Variants in MYO16 observed in about 807,000 individuals in gnomAD.
MYO16 encodes the protein unconventional myosin-XVI.
MYO16 carries 94 observed loss-of-function variants against 205.3 expected under a neutral mutation model. The ratio of observed to expected loss-of-function variants is 0.46; its 90% confidence interval spans 0.39 to 0.54. MYO16 has a LOEUF of 0.54. Among genes scored for constraint, MYO16 ranks in the 20% least tolerant of loss-of-function variants. The pLI, the probability that MYO16 is intolerant of heterozygous loss-of-function variation, is 0.00. For missense variants in MYO16, 2,315 were observed against 2,387.5 expected, an observed-to-expected ratio of 0.97 and a Z score of 0.63; for synonymous variants, 988 against 954.0, an observed-to-expected ratio of 1.04 and a Z score of -0.66.
At chr13:108,716,202 A>T (rs1222392514) in intron 3 of MYO16, among the ~76,000 whole-genome samples, 1 of 152,224 alleles carries the variant, frequency 6.6e-6, no homozygotes. Flanking sequence ...AGCTCTAAGG[A>T]TATAAGGGTC....
rs770051701 is a variant in MYO16 at position 109,140,569 on chromosome 13, G to C, written c.4357G>C (p.Val1453Leu). The C allele has an allele frequency of 1.2e-5, 19 of 1,536,098 alleles. No individual in the cohort carries two copies. In the South Asian group the frequency reaches 2.3e-4, roughly 18 times the overall value. ...RPDSPDPGES[V>L]YEEMKCCLPD... Reference sequence around the variant, plus strand: ...CGATAGCCCGGACCCCGGGGAGTCCGTGTACGAGGAGATGAAGTGTTGCCT... The same window carrying C: ...CGATAGCCCGGACCCCGGGGAGTCCCTGTACGAGGAGATGAAGTGTTGCCT... The change falls in exon 32 of 35, where the codon GTG becomes CTG. Residue 1453 changes from valine to leucine, a missense_variant. Around this residue, in one of 3 missense-constraint regions of MYO16, gnomAD observed 1,097 missense variants for 1,092.0 expected, o/e 1.00. Transcript: ENST00000457511. The surrounding 1 kb of genome is among the most constrained non-coding windows in gnomAD (Gnocchi z 8.0).
chr13:108,901,171 G>A (rs141669468), intron 15 of MYO16, among the ~76,000 whole-genome samples: 10,751 of 152,068 alleles, frequency 0.071, 555 homozygotes, highest in Middle Eastern at 0.22. Flanking sequence ...TTTTAATTTC[G>A]CCCCAGTCCT....
intron 16 of MYO16, among the ~76,000 whole-genome samples, chr13:108,939,400 C>T (rs1217504146): frequency 1.3e-5 from 2 of 152,210 alleles, no homozygotes; most frequent in East Asian, 1.9e-4. Flanking sequence ...GGGCTTCGCT[C>T]ACTTTTATTA....
chr13:108,893,859 G>C lies in MYO16; in HGVS notation c.1660-4157G>C, dbSNP rs74119698. Among the ~76,000 whole-genome samples, 1,195 of 152,244 alleles carry C rather than the reference G, an allele frequency of 7.8e-3. 15 individuals carry two copies. Among genetic ancestry groups the C allele is most frequent in the African/African-American group, 0.027 (1,107 of 41,558 alleles). ...CTCAAATCCTAGGAAAATACTCATT[G>C]GGGGTCATTTGGATCAGCAGTTGCC... On this transcript the variant is annotated intron_variant, in intron 14 of 34. Transcript: ENST00000457511.
intron 1 of MYO16, among the ~76,000 whole-genome samples, chr13:108,616,980 A>G (rs990039236): frequency 2.0e-5 from 3 of 152,018 alleles, no homozygotes; most frequent in African/African-American, 4.8e-5. Context: ...GCTCCAAACC[A>G]TTTTGTGACC....
At chr13:108,792,414 T>C (rs1594297321) in intron 5 of MYO16, among the ~76,000 whole-genome samples, 1 of 152,262 alleles carries the variant, frequency 6.6e-6, no homozygotes, top group East Asian at 1.9e-4. Flanking sequence ...CGCATAGCCA[T>C]GGTACACTTA....
intron 27 of MYO16, among the ~76,000 whole-genome samples, chr13:109,059,670 G>A (rs1887524153): frequency 1.3e-5 from 2 of 152,134 alleles, no homozygotes; most frequent in African/African-American, 2.4e-5. Context: ...ACCTTTGTGA[G>A]ACGGATGGAT....
At chr13:108,534,783 C>G in the MYO16 span, among the ~76,000 whole-genome samples, 1 of 150,734 alleles carries the variant, frequency 6.6e-6, no homozygotes, top group Non-Finnish European at 1.5e-5. Flanking sequence ...CTTCTTCCTC[C>G]TTCTTTCTTC....
chr13:109,205,047 G>A (rs987598763), intron 34 of MYO16, among the ~76,000 whole-genome samples: 29 of 84,182 alleles, frequency 3.4e-4, no homozygotes, highest in Admixed American at 3.2e-3. Context: ...CAGCCCTAAA[G>A]AATAAAAAAA....
At chr13:108,547,385 C>T in the MYO16 span, among the ~76,000 whole-genome samples, 29 of 151,816 alleles carry the variant, frequency 1.9e-4, no homozygotes, top group African/African-American at 5.8e-4. Flanking sequence ...CATTGGCTTT[C>T]GTGAGGTTGG....
At chr13:108,751,088 T>C (rs866474565) in intron 4 of MYO16, among the ~76,000 whole-genome samples, 121 of 128,886 alleles carry the variant, frequency 9.4e-4, no homozygotes, top group African/African-American at 2.9e-3. Flanking sequence ...CACACACACA[T>C]ACATTTCCCT....
rs374101096 is a variant in MYO16 at position 109,018,534 on chromosome 13, G to A, written c.2596-1177G>A. On this transcript the variant is annotated intron_variant, in intron 22 of 34. Transcript: ENST00000457511. ...TGCTCTCTTCAGAGCTGTCAGACAG[G>A]GACGTTTAAGTCTGCAGAAGTTTCT... Among the ~76,000 whole-genome samples, 16 of 152,268 alleles carry A rather than the reference G, an allele frequency of 1.1e-4. No individual in the cohort carries two copies. The East Asian group carries it at 3.1e-3, about 29-fold the overall frequency.
chr13:108,809,827 T>C (rs1231250074), intron 7 of MYO16, among the ~76,000 whole-genome samples: 1 of 152,202 alleles, frequency 6.6e-6, no homozygotes, highest in Non-Finnish European at 1.5e-5. Flanking sequence ...CAGCGCTGGG[T>C]ACCAGCCCCA....
chr13:109,151,241 C>T (rs370679406), intron 32 of MYO16, among the ~76,000 whole-genome samples: 4 of 152,128 alleles, frequency 2.6e-5, no homozygotes, highest in African/African-American at 9.7e-5. Flanking sequence ...TCAACACAGC[C>T]GTCCACCATG....
chr13:108,592,679 G>A (rs1878435438), upstream of MYO16, among the ~76,000 whole-genome samples: 1 of 148,760 alleles, frequency 6.7e-6, no homozygotes, highest in Non-Finnish European at 1.5e-5. Context: ...GTGGGGCTGT[G>A]GGAGGCTGTG....
chr13:108,823,044 A>G, intron 8 of MYO16, 81 bp from the exon 9 acceptor site: 5 of 1,300,324 alleles, frequency 3.8e-6, no homozygotes, highest in Non-Finnish European at 5.3e-6. Flanking sequence ...TTTTAAGCAT[A>G]TCGGAATTAT....
At chr13:108,817,823 C>G (rs1289016646) in intron 7 of MYO16, among the ~76,000 whole-genome samples, 1 of 152,176 alleles carries the variant, frequency 6.6e-6, no homozygotes, top group African/African-American at 2.4e-5. Context: ...GTATGAGCTA[C>G]TTTGTATTAC....
rs554459450 is a variant in MYO16 at position 109,157,928 on chromosome 13, A to C, written c.5165-6973A>C. On this transcript the variant is annotated intron_variant, in intron 32 of 34. Transcript: ENST00000457511. ...CTGCCGTGCTCCATAACCCCTCTAA[A>C]ATGTGAGCACTCAATGGATTGTTTC... Among the ~76,000 whole-genome samples the C allele has an allele frequency of 2.6e-5, 4 of 152,166 alleles. No individual in the cohort carries two copies. In the South Asian group the frequency reaches 8.3e-4, roughly 32 times the overall value.
intron 19 of MYO16, 108 bp from the exon 20 acceptor site, chr13:108,964,653 A>G: frequency 8.6e-7 from 1 of 1,162,838 alleles, no homozygotes; most frequent in Non-Finnish European, 1.2e-6. Flanking sequence ...TTTATACATC[A>G]CTTGTCTTGT....
Sources: allele counts gnomAD v4.1 joint callset (sites outside exome capture counted in the v4.1 genomes callset), GRCh38; gene constraint gnomAD v4.1.1; regional missense constraint gnomAD v4.1.1; non-coding constraint Gnocchi (gnomAD v3.1); transcripts MANE v1.5; gene names NCBI Gene and HGNC (gene_info 2026-07-23, HGNC 2026-07-21).